The following NNT variants were observed in gnomAD, a reference collection of about 807,000 sequenced individuals.
NNT encodes NAD(P) transhydrogenase, mitochondrial.
A neutral mutation model predicts 104.8 loss-of-function variants in NNT; 50 were observed. That is an observed-to-expected ratio of 0.48 (90% CI 0.38 to 0.60). The LOEUF is 0.60. Among genes scored for constraint, NNT ranks in the 20% least tolerant of loss-of-function variants. The pLI, the probability that NNT is intolerant of heterozygous loss-of-function variation, is 0.00. For synonymous variants in NNT, 461 were observed against 490.4 expected, an observed-to-expected ratio of 0.94 and a Z score of 0.79; for missense variants, 1,131 against 1,330.7, an observed-to-expected ratio of 0.85 and a Z score of 2.33.
At chr5:43,676,054 T>C (rs1157085275) in intron 18 of NNT, among the ~76,000 whole-genome samples, 1 of 152,198 alleles carries the variant, frequency 6.6e-6, no homozygotes, top group Admixed American at 6.5e-5. Context: ...ATGTTGTTTT[T>C]TCAAAAATGA....
chr5:43,682,376 A>G (rs1483091995), intron 19 of NNT, among the ~76,000 whole-genome samples: 1 of 151,392 alleles, frequency 6.6e-6, no homozygotes, highest in African/African-American at 2.4e-5. Flanking sequence ...ACGCCTGACT[A>G]ATTTTTGTAT....
Position 43,677,813 on chromosome 5 carries a change from G to T in NNT, c.2876+7G>T, listed in dbSNP as rs113092064. On this transcript the variant is annotated splice_region_variant and intron_variant, in intron 19 of 21. Transcript: ENST00000344920. ...AGCAAGGCAAAAAAGTCAGGTAAGC[G>T]TTTGCAGTGGAGAGGCTTGCACTAT... 453 of 1,607,230 alleles carry T rather than the reference G, an allele frequency of 2.8e-4. 1 individual carries two copies. The African/African-American group carries it at 4.6e-3, about 16-fold the overall frequency.
chr5:43,658,742 A>C (rs1422083945), intron 16 of NNT, among the ~76,000 whole-genome samples: 1 of 152,164 alleles, frequency 6.6e-6, no homozygotes, highest in East Asian at 1.9e-4. Flanking sequence ...CAGCTGCCTT[A>C]GTCATCTCAA....
chr5:43,643,678 A>C (rs1751352869), intron 7 of NNT, among the ~76,000 whole-genome samples: 1 of 152,190 alleles, frequency 6.6e-6, no homozygotes, highest in Admixed American at 6.5e-5. Context: ...TTCTGTGTTA[A>C]ATTAAGGTAG....
chr5:43,688,687 T>C (rs907471545), intron 19 of NNT, among the ~76,000 whole-genome samples: 1 of 152,192 alleles, frequency 6.6e-6, no homozygotes, highest in Admixed American at 6.5e-5. Flanking sequence ...ATTCCTGAGT[T>C]ACTTCACTTA....
At chr5:43,641,132 C>G (rs1751208880) in intron 7 of NNT, among the ~76,000 whole-genome samples, 1 of 152,042 alleles carries the variant, frequency 6.6e-6, no homozygotes, top group Non-Finnish European at 1.5e-5. Flanking sequence ...TTGTGTAATG[C>G]TGCATTTATT....
intron 17 of NNT, among the ~76,000 whole-genome samples, chr5:43,671,076 G>A (rs1741048372): frequency 6.6e-6 from 1 of 152,150 alleles, no homozygotes; most frequent in East Asian, 1.9e-4. Context: ...TTGGTTTAAA[G>A]TCTGTTTTAT....
At chr5:43,652,967 C>CTAA in intron 13 of NNT, 51 bp from the exon 14 acceptor site, 1 of 1,442,340 alleles carries the variant, frequency 6.9e-7, no homozygotes, top group East Asian at 2.3e-5. Context: ...AATCTCTAAG[C>CTAA]TAATAGACCA....
At chr5:43,637,083 C>T (rs763407860) in intron 7 of NNT, among the ~76,000 whole-genome samples, 5 of 152,098 alleles carry the variant, frequency 3.3e-5, no homozygotes, top group African/African-American at 7.2e-5. Flanking sequence ...ACAAAGTTTT[C>T]CTGTGGTTCC....
chr5:43,609,018 A>G, intron 1 of NNT, 125 bp from the exon 2 acceptor site: 1 of 463,056 alleles, frequency 2.2e-6, no homozygotes, highest in Non-Finnish European at 3.7e-6. Flanking sequence ...AATTCTTTAT[A>G]GATGTCTACA....
chr5:43,604,719 T>C (rs1461390692), intron 1 of NNT, among the ~76,000 whole-genome samples: 2 of 152,202 alleles, frequency 1.3e-5, no homozygotes, highest in Non-Finnish European at 1.5e-5. Context: ...TTGTCCAAGC[T>C]GGAGTACAGT....
chr5:43,675,918 G>A (rs1741392001), intron 18 of NNT, among the ~76,000 whole-genome samples: 2 of 152,114 alleles, frequency 1.3e-5, no homozygotes, highest in South Asian at 4.1e-4. Context: ...CTGTGATTAT[G>A]TGTACATGTT....
intron 10 of NNT, chr5:43,648,072 C>G (rs1739548871): frequency 8.2e-7 from 1 of 1,223,546 alleles, no homozygotes; most frequent in Non-Finnish European, 1.0e-6. Flanking sequence ...TATTCACAAC[C>G]CTATGCAACT....
intron 11 of NNT, among the ~76,000 whole-genome samples, chr5:43,649,573 G>T (rs1267105788): frequency 1.3e-5 from 2 of 149,792 alleles, no homozygotes; most frequent in African/African-American, 4.9e-5. Flanking sequence ...TTCCAAGTTT[G>T]ATCCTTTTTT....
At chr5:43,655,536 T>C (rs955011349) in intron 14 of NNT, among the ~76,000 whole-genome samples, 3 of 152,192 alleles carry the variant, frequency 2.0e-5, no homozygotes, top group African/African-American at 7.2e-5. Context: ...TAAATGAATT[T>C]TGTGTTTAGA....
chr5:43,695,781 G>A lies in NNT; in HGVS notation c.2877-4338G>A, dbSNP rs373575476. Among the ~76,000 whole-genome samples, 60 of 152,306 alleles carry A rather than the reference G, an allele frequency of 3.9e-4. 1 individual carries two copies. Among genetic ancestry groups the A allele is most frequent in the East Asian group, 1.5e-3 (8 of 5,192 alleles). Reference sequence around the variant, plus strand: ...GGCCTCACAATCAATGGCAGAAGGCGAGAAGGATCAAGTCACATCTTACAT... The same window carrying A: ...GGCCTCACAATCAATGGCAGAAGGCAAGAAGGATCAAGTCACATCTTACAT... On this transcript the variant is annotated intron_variant, in intron 19 of 21. Coordinates refer to ENST00000344920, the MANE Select transcript of NNT (RefSeq NM_182977.3).
In NNT at chr5:43,674,165, T is replaced by C. The variant is rs2042951; in HGVS notation, c.2635-1346T>C. Reference sequence around the variant, plus strand: ...TGGGCTCTGTAAAATGTCAATGTTGTGTCTGATAAACGAGTTTAGATTGAA... The same window carrying C: ...TGGGCTCTGTAAAATGTCAATGTTGCGTCTGATAAACGAGTTTAGATTGAA... On this transcript the variant is annotated intron_variant, in intron 17 of 21. Transcript: ENST00000344920. Among the ~76,000 whole-genome samples, 546 of 152,186 alleles carry C rather than the reference T, an allele frequency of 3.6e-3. 2 individuals are homozygous for C. Among genetic ancestry groups the C allele is most frequent in the African/African-American group, 0.013 (535 of 41,580 alleles).
chr5:43,622,842 C>T (rs1011640413), intron 5 of NNT, among the ~76,000 whole-genome samples: 9 of 148,504 alleles, frequency 6.1e-5, no homozygotes, highest in Non-Finnish European at 1.3e-4. Context: ...TGCTTTTGTG[C>T]GATTCTGCTT....
At chr5:43,695,685 G>T (rs1317919665) in intron 19 of NNT, among the ~76,000 whole-genome samples, 2 of 152,166 alleles carry the variant, frequency 1.3e-5, no homozygotes, top group African/African-American at 4.8e-5. Context: ...TGCTGATAAA[G>T]ACTTACGTGA....
Sources: allele counts gnomAD v4.1 joint callset (sites outside exome capture counted in the v4.1 genomes callset), GRCh38; gene constraint gnomAD v4.1.1; transcripts MANE v1.5; gene names NCBI Gene and HGNC (gene_info 2026-07-23, HGNC 2026-07-21).